The following DCLRE1C variants were observed in gnomAD, a reference collection of about 807,000 sequenced individuals.
DCLRE1C encodes the protein DNA cross-link repair 1C, also known as protein artemis.
In DCLRE1C, 47 loss-of-function variants were observed where a neutral mutation model predicts 61.4. That is an observed-to-expected ratio of 0.77 (90% CI 0.61 to 0.98). The LOEUF (loss-of-function observed/expected upper bound fraction) is 0.98. Ranked by LOEUF, DCLRE1C falls within the 50% of genes least tolerant of loss-of-function variation. The probability of loss-of-function intolerance (pLI) is 0.00; values close to 1 mark genes in which losing one functional copy is unlikely to be tolerated. For synonymous variants in DCLRE1C, 337 were observed against 287.6 expected (o/e 1.17, Z -1.74); for missense variants, 858 against 816.0 (o/e 1.05, Z -0.63).
chr10:14,934,772 G>T lies in DCLRE1C; in HGVS notation c.468C>A (p.Val156=), dbSNP rs1839625006. ...CCAAATATACACTTTGGATGTCTTT[G>T]ACTCTGAAAAGAAAAAAAATTGATG... ...RMELLHSGGR[V]KDIQSVYLDT... Residue 156 remains valine, a synonymous_variant, in exon 7 of 14, where the codon GTC becomes GTA. Transcript: ENST00000378278. 3 of 1,611,936 alleles carry T rather than the reference G, an allele frequency of 1.9e-6. No individual in the cohort carries two copies. The highest frequency in any genetic ancestry group is 4.5e-5 in the East Asian group (2 of 44,876).
intron 13 of DCLRE1C, 84 bp downstream of exon 13, chr10:14,919,654 G>C: frequency 9.5e-7 from 1 of 1,055,842 alleles, no homozygotes; most frequent in Non-Finnish European, 1.5e-6. Context: ...CTCTGCCCAA[G>C]GCCACTTCTC....
chr10:14,905,401 G>C lies in DCLRE1C; in HGVS notation c.*3007C>G, dbSNP rs1834308779. On this transcript the variant is annotated 3_prime_UTR_variant, in exon 14 of 14. Transcript: ENST00000378278. ...TGCCTAGAAATGCAAAGGAATTTTA[G>C]AATTCAGAGCTCATATTCATTGACC... Among the ~76,000 whole-genome samples, 1 of 152,242 alleles carries C rather than the reference G, an allele frequency of 6.6e-6. No individual in the cohort carries two copies. Among genetic ancestry groups the C allele is most frequent in the East Asian group, 1.9e-4 (1 of 5,204 alleles).
chr10:14,900,575 A>G (rs960312460), downstream of DCLRE1C, among the ~76,000 whole-genome samples: 6 of 152,248 alleles, frequency 3.9e-5, no homozygotes, highest in African/African-American at 1.4e-4. Flanking sequence ...AGGGCCATCA[A>G]ACAGTTTTGA....
chr10:14,942,869 T>C (rs999802775), intron 3 of DCLRE1C, among the ~76,000 whole-genome samples: 1 of 152,150 alleles, frequency 6.6e-6, no homozygotes, highest in Admixed American at 6.5e-5. Flanking sequence ...CTCACACCTG[T>C]AATCCCAGCC....
At chr10:14,902,565 C>T (rs923791725), downstream of DCLRE1C, 1 of 1,176,622 alleles carries the variant, frequency 8.5e-7, no homozygotes, top group Non-Finnish European at 1.2e-6. Context: ...CTAATGTTAA[C>T]ATTTTTAAAA....
chr10:14,939,205 G>T (rs1013837263), intron 4 of DCLRE1C, among the ~76,000 whole-genome samples: 1 of 152,188 alleles, frequency 6.6e-6, no homozygotes, highest in African/African-American at 2.4e-5. Context: ...GGGAGGCCAA[G>T]GCAGGCGGAT....
exon 14 of DCLRE1C, chr10:14,899,114 G>A (rs1833809101): frequency 3.1e-6 from 2 of 649,832 alleles, no homozygotes; most frequent in East Asian, 2.7e-5. Flanking sequence ...GAGCCCAGGA[G>A]TTCCAGACCA....
Position 14,897,539 on chromosome 10 carries a change from G to C in DCLRE1C, c.*1625C>G, listed in dbSNP as rs767666023. 5 of 1,488,132 alleles carry C rather than the reference G, an allele frequency of 3.4e-6. No individual in the cohort carries two copies. The South Asian group carries it at 7.5e-5, about 22-fold the overall frequency. 92.2% of individuals were successfully genotyped at this position (1,488,132 alleles called of 1,614,324 possible). Reference sequence around the variant, plus strand: ...AGAGGTATGTTTCATTTGCCACGTAGTAAATGATGGACATGCAAGGTTTAT... The same window carrying C: ...AGAGGTATGTTTCATTTGCCACGTACTAAATGATGGACATGCAAGGTTTAT... On this transcript the variant is annotated 3_prime_UTR_variant, in exon 14 of 14. Coordinates refer to the DCLRE1C transcript ENST00000378289.
At chr10:14,929,174 G>A (rs1400686039) in intron 9 of DCLRE1C, among the ~76,000 whole-genome samples, 3 of 152,140 alleles carry the variant, frequency 2.0e-5, no homozygotes, top group African/African-American at 7.2e-5. Context: ...GGAGGCTGAG[G>A]CAGGTGGATC....
At chr10:14,899,173 T>C (rs1481358951) in exon 14 of DCLRE1C, 2 of 700,690 alleles carry the variant, frequency 2.9e-6, no homozygotes, top group South Asian at 3.0e-5. Flanking sequence ...ACTAAATCAT[T>C]AGCTGGGCAT....
At chr10:14,926,777 C>T in intron 11 of DCLRE1C, 66 bp downstream of exon 11, 1 of 1,284,106 alleles carries the variant, frequency 7.8e-7, no homozygotes. Context: ...CAGGGGACTA[C>T]CTGTCAACTA....
chr10:14,945,418 A>C lies in DCLRE1C; in HGVS notation c.162-229T>G, dbSNP rs560605880. ...ATTACGCTGGCACAAAATCTGTTAG[A>C]GTCACTCTCAACATACCTATGCACA... is the stretch of plus-strand genomic sequence containing the variant. On this transcript the variant is annotated intron_variant, in intron 2 of 13. Transcript: ENST00000378278. 20 of 1,264,708 alleles carry C rather than the reference A, an allele frequency of 1.6e-5. No homozygotes were observed. In the South Asian group the frequency reaches 2.9e-4, roughly 18 times the overall value. The allele number at this position is 1,264,708 out of a possible 1,614,324, so 78.3% of individuals were successfully genotyped here.
chr10:14,927,948 TAAATG>T, intron 10 of DCLRE1C, 63 bp downstream of exon 10: 1 of 1,495,478 alleles, frequency 6.7e-7, no homozygotes, highest in South Asian at 1.1e-5. Context: ...AGACTGTGCT[TAAATG>T]AAATTAAATC....
chr10:14,928,225 A>G (rs1838351202), intron 9 of DCLRE1C, 73 bp from the exon 10 acceptor site: 1 of 1,420,400 alleles, frequency 7.0e-7, no homozygotes, highest in Non-Finnish European at 9.7e-7. Flanking sequence ...AGTCTCAAAA[A>G]CAAAAGTAGA....
At chr10:14,940,160 AC>A (rs1564457493) in intron 3 of DCLRE1C, among the ~76,000 whole-genome samples, 1 of 151,766 alleles carries the variant, frequency 6.6e-6, no homozygotes, top group Non-Finnish European at 1.5e-5. Context: ...CCCCATCCCT[AC>A]CACTCCCATT....
intron 9 of DCLRE1C, 66 bp downstream of exon 9, chr10:14,932,788 G>A (rs910374046): frequency 5.7e-6 from 9 of 1,571,922 alleles, no homozygotes; most frequent in African/African-American, 5.4e-5. Context: ...ATAAATGGAA[G>A]CCCTGACCTT....
intron 9 of DCLRE1C, among the ~76,000 whole-genome samples, chr10:14,932,361 G>C (rs1326550118): frequency 6.6e-6 from 1 of 152,218 alleles, no homozygotes; most frequent in East Asian, 1.9e-4. Flanking sequence ...GATCTGGTTG[G>C]GGGTGGTGGC....
chr10:14,937,535 C>T (rs1349146288), intron 4 of DCLRE1C, among the ~76,000 whole-genome samples: 1 of 151,986 alleles, frequency 6.6e-6, no homozygotes, highest in Non-Finnish European at 1.5e-5. Context: ...ACATCTGCCT[C>T]GGCCTCCCAA....
downstream of DCLRE1C, chr10:14,899,699 C>A (rs201406856): frequency 2.3e-4 from 367 of 1,612,214 alleles, 3 homozygotes; most frequent in South Asian, 3.9e-3. Flanking sequence ...AGAAGACATA[C>A]GTAAATTTTA....
Sources: gnomAD v4.1 joint callset for allele counts (sites outside exome capture counted in the v4.1 genomes callset) on GRCh38, gnomAD v4.1.1 for gene constraint, MANE v1.5 for transcripts, NCBI Gene and HGNC (gene_info 2026-07-23, HGNC 2026-07-21) for gene names.